The following ZNF804B variants were observed in gnomAD, a reference collection of about 807,000 sequenced individuals.
ZNF804B encodes zinc finger protein 804B, also known as zinc finger 804B.
A neutral mutation model predicts 101.4 loss-of-function variants in ZNF804B; 80 were observed. The observed-to-expected ratio is 0.79, with a 90% CI of 0.66 to 0.95. The LOEUF is 0.95. ZNF804B is among the 40% of genes least tolerant of loss of function. ZNF804B has a pLI of 0.00. For missense variants in ZNF804B, 1,673 were observed against 1,561.9 expected, an observed-to-expected ratio of 1.07 and a Z score of -1.20; for synonymous variants, 622 against 558.8, an observed-to-expected ratio of 1.11 and a Z score of -1.59.
At chr7:89,200,115 T>C (rs1186460495) in intron 1 of ZNF804B, among the ~76,000 whole-genome samples, 3 of 151,854 alleles carry the variant, frequency 2.0e-5, no homozygotes, top group Non-Finnish European at 4.4e-5. Context: ...CCTCATTTTA[T>C]AGAGGTTAAG....
intron 1 of ZNF804B, among the ~76,000 whole-genome samples, chr7:89,179,394 C>T (rs1243483060): frequency 6.6e-6 from 1 of 151,266 alleles, no homozygotes; most frequent in East Asian, 1.9e-4. Context: ...CTATTTCTTT[C>T]TTCTGTTAAA....
chr7:89,327,323 TG>T lies in ZNF804B; in HGVS notation c.250-19del. ...ATATTATTTATTTATAGTACCTTTT[TG>T]GTTTTTCTTCTTTTTCAAGAGACTG... is the stretch of plus-strand genomic sequence containing the variant. On this transcript the variant is annotated intron_variant, in intron 2 of 3. Transcript: ENST00000333190. 1 of 1,572,226 alleles carries T rather than the reference TG, an allele frequency of 6.4e-7. No individual in the cohort carries two copies.
At chr7:89,149,672 T>C (rs1301200918) in intron 1 of ZNF804B, among the ~76,000 whole-genome samples, 1 of 151,918 alleles carries the variant, frequency 6.6e-6, no homozygotes, top group Non-Finnish European at 1.5e-5. Flanking sequence ...AATTCTTAAT[T>C]CTATTTTCAT....
intron 1 of ZNF804B, among the ~76,000 whole-genome samples, chr7:89,030,042 A>G (rs1788806262): frequency 6.6e-6 from 1 of 152,166 alleles, no homozygotes; most frequent in Admixed American, 6.6e-5. Flanking sequence ...CTGTGTTATA[A>G]AAGAGTTAAT....
intron 1 of ZNF804B, among the ~76,000 whole-genome samples, chr7:88,956,886 T>C (rs1793317973): frequency 6.6e-6 from 1 of 151,512 alleles, no homozygotes; most frequent in African/African-American, 2.4e-5. Context: ...GGCATGAAGC[T>C]TCAATTTCAG....
chr7:89,060,928 G>A (rs1385022833), intron 1 of ZNF804B, among the ~76,000 whole-genome samples: 2 of 152,110 alleles, frequency 1.3e-5, no homozygotes, highest in Admixed American at 6.6e-5. Flanking sequence ...TGCATATGGA[G>A]TGGTGACACA....
At chr7:88,952,816 ACACT>A (rs1461543441) in intron 1 of ZNF804B, among the ~76,000 whole-genome samples, 3 of 151,760 alleles carry the variant, frequency 2.0e-5, no homozygotes, top group Non-Finnish European at 4.4e-5. Flanking sequence ...AAGAATAAAA[ACACT>A]CACACTCTTC....
intron 1 of ZNF804B, among the ~76,000 whole-genome samples, chr7:89,170,413 C>A (rs1243327305): frequency 6.6e-6 from 1 of 152,130 alleles, no homozygotes; most frequent in Non-Finnish European, 1.5e-5. Flanking sequence ...TGCTTCTAGA[C>A]CTCCCTGAGC....
At chr7:89,032,560 T>G (rs909843473) in intron 1 of ZNF804B, among the ~76,000 whole-genome samples, 2 of 152,144 alleles carry the variant, frequency 1.3e-5, no homozygotes, top group African/African-American at 4.8e-5. Context: ...TAAGGGTGTT[T>G]ACATTTAAAA....
At chr7:88,794,974 C>T (rs1478977248) in intron 1 of ZNF804B, 3 of 1,513,810 alleles carry the variant, frequency 2.0e-6, no homozygotes, top group African/African-American at 1.4e-5. Context: ...CAGATGATTC[C>T]AGCTTTTAGC....
At chr7:89,032,758 C>T (rs982279098) in intron 1 of ZNF804B, among the ~76,000 whole-genome samples, 4 of 151,964 alleles carry the variant, frequency 2.6e-5, no homozygotes, top group African/African-American at 7.2e-5. Context: ...GTTAGGTTTG[C>T]AGACATAACC....
At chr7:88,902,192 T>G (rs1346428372) in intron 1 of ZNF804B, among the ~76,000 whole-genome samples, 1 of 152,024 alleles carries the variant, frequency 6.6e-6, no homozygotes, top group Non-Finnish European at 1.5e-5. Context: ...AATTTTCATT[T>G]TGATTTTTTA....
chr7:89,252,479 T>G (rs576697837), intron 2 of ZNF804B, among the ~76,000 whole-genome samples: 1 of 152,254 alleles, frequency 6.6e-6, no homozygotes, highest in African/African-American at 2.4e-5. Flanking sequence ...GTTTGGACAT[T>G]TCCCTAGAAC....
At chr7:89,187,674 A>G (rs1005513962) in intron 1 of ZNF804B, among the ~76,000 whole-genome samples, 5 of 152,166 alleles carry the variant, frequency 3.3e-5, no homozygotes, top group South Asian at 2.1e-4. Context: ...CATTGTGGAA[A>G]CTAGTGAGCC....
intron 2 of ZNF804B, among the ~76,000 whole-genome samples, chr7:89,291,111 T>A (rs1454597099): frequency 6.6e-6 from 1 of 152,082 alleles, no homozygotes; most frequent in African/African-American, 2.4e-5. Context: ...ACAGCTTAGA[T>A]CACAACACCC....
intron 1 of ZNF804B, among the ~76,000 whole-genome samples, chr7:88,847,528 G>T (rs1010828585): frequency 1.3e-5 from 2 of 151,980 alleles, no homozygotes; most frequent in Admixed American, 1.3e-4. Context: ...GTCTACACAG[G>T]TTTGATCAGG....
chr7:89,192,039 T>A (rs1788462901), intron 1 of ZNF804B, among the ~76,000 whole-genome samples: 1 of 152,114 alleles, frequency 6.6e-6, no homozygotes, highest in African/African-American at 2.4e-5. Context: ...TCTAGAACTT[T>A]TCTAAAAATG....
intron 1 of ZNF804B, among the ~76,000 whole-genome samples, chr7:89,067,543 G>A (rs1214400026): frequency 6.6e-6 from 1 of 152,128 alleles, no homozygotes; most frequent in African/African-American, 2.4e-5. Flanking sequence ...AGCGGACACA[G>A]CAAACACCCA....
rs141838549 is a variant in ZNF804B, at chr7:89,027,506, G to T, written c.109-190649G>T. ...CTCAGCCCTTCTTTCCACCCTACAA[G>T]AAGCTAATTACATTTTATACTTTCA... On this transcript the variant is annotated intron_variant, in intron 1 of 3. Coordinates refer to ENST00000333190, the MANE Select transcript of ZNF804B (RefSeq NM_181646.5). 1.2e-3 allele frequency among the ~76,000 whole-genome samples: 179 copies of T among 152,198 alleles called. 3 individuals are homozygous for T. In the East Asian group the frequency reaches 0.032, roughly 27 times the overall value.
Sources: allele counts gnomAD v4.1 joint callset (sites outside exome capture counted in the v4.1 genomes callset), GRCh38; gene constraint gnomAD v4.1.1; transcripts MANE v1.5; gene names NCBI Gene and HGNC (gene_info 2026-07-23, HGNC 2026-07-21).